Variants in KBTBD2 observed in about 807,000 individuals in gnomAD.
KBTBD2 encodes the protein kelch repeat and BTB domain containing 2.
A neutral mutation model predicts 57.1 loss-of-function variants in KBTBD2; 17 were observed. The ratio of observed to expected loss-of-function variants is 0.30; its 90% CI spans 0.20 to 0.45. The LOEUF is 0.45. Ranked by LOEUF, KBTBD2 falls within the 20% of genes least tolerant of loss-of-function variation. The pLI, the probability that KBTBD2 is intolerant of heterozygous loss-of-function variation, is 1.00. For missense variants in KBTBD2, 515 were observed against 750.6 expected, an observed-to-expected ratio of 0.69 and a Z score of 3.67; for synonymous variants, 267 against 262.7, an observed-to-expected ratio of 1.02 and a Z score of -0.16.
intron 3 of KBTBD2, chr7:32,874,390 AC>A (rs1784257802): frequency 6.6e-6 from 1 of 151,742 alleles, no homozygotes. Context: ...ACAGAATGAT[AC>A]TCCGTCTCAA....
chr7:32,887,399 C>A (rs77595573), intron 1 of KBTBD2, among the ~76,000 whole-genome samples: 10,978 of 151,688 alleles, frequency 0.072, 433 homozygotes, highest in East Asian at 0.14. Context: ...GTTCTCACCA[C>A]AAAAAAAATA....
At chr7:32,884,112 C>T (rs1784508683) in intron 1 of KBTBD2, among the ~76,000 whole-genome samples, 1 of 152,154 alleles carries the variant, frequency 6.6e-6, no homozygotes, top group Admixed American at 6.5e-5. Flanking sequence ...TGGTGCTCAG[C>T]CCTACTACTA....
intron 1 of KBTBD2, among the ~76,000 whole-genome samples, chr7:32,885,420 C>T (rs1361577310): frequency 4.0e-5 from 6 of 149,388 alleles, no homozygotes; most frequent in Non-Finnish European, 5.9e-5. Flanking sequence ...CTGCTAGTTC[C>T]GTGGACTTCC....
At position 32,870,101 on chromosome 7, in the gene KBTBD2, C is replaced by T. The variant is rs1340314008; in HGVS notation, c.1116G>A (p.Lys372=). Residue 372 remains lysine, a synonymous_variant, in exon 4 of 4, where the codon AAG becomes AAA. Transcript: ENST00000304056. ...PKTPMLFVRI[K]PSLVCCEGYI... ...AGCCTTCACAGCAAACCAAAGATGGCTTTATGCGGACAAAAAGCATTGGGG... is the reference window on the plus strand; with the variant it reads ...AGCCTTCACAGCAAACCAAAGATGGTTTTATGCGGACAAAAAGCATTGGGG... 4.3e-6 allele frequency: 7 copies of T among 1,614,078 alleles called. No individual in the cohort carries two copies. Among genetic ancestry groups the T allele is most frequent in the South Asian group, 2.2e-5 (2 of 91,090 alleles).
intron 1 of KBTBD2, among the ~76,000 whole-genome samples, chr7:32,884,807 A>G (rs1381317917): frequency 1.3e-5 from 2 of 152,052 alleles, no homozygotes; most frequent in African/African-American, 4.8e-5. Flanking sequence ...TCTCTATCCC[A>G]AAGATTTAAC....
intron 1 of KBTBD2, among the ~76,000 whole-genome samples, 167 bp downstream of exon 1, chr7:32,891,352 GCCGCCCGCGCCCCTCCC>G (rs1159931908): frequency 4.7e-5 from 7 of 148,148 alleles, no homozygotes; most frequent in Admixed American, 3.3e-4. Flanking sequence ...GGCGGCGCCG[GCCGCCCGCGCCCCTCCC>G]CCGCCCGCGG....
intron 1 of KBTBD2, among the ~76,000 whole-genome samples, chr7:32,888,293 G>A (rs1024585561): frequency 6.6e-6 from 1 of 151,964 alleles, no homozygotes; most frequent in African/African-American, 2.4e-5. Flanking sequence ...CCAATCTTGA[G>A]GAGGCTGATG....
At chr7:32,876,172 C>T (rs964999827) in intron 2 of KBTBD2, among the ~76,000 whole-genome samples, 1 of 151,960 alleles carries the variant, frequency 6.6e-6, no homozygotes, top group Non-Finnish European at 1.5e-5. Context: ...AGTAGAATGC[C>T]CATATATAGG....
chr7:32,887,587 C>G (rs1784612275), intron 1 of KBTBD2, among the ~76,000 whole-genome samples: 1 of 152,190 alleles, frequency 6.6e-6, no homozygotes, highest in Admixed American at 6.5e-5. Flanking sequence ...GGCAGTGCGG[C>G]TATAAATCAT....
intron 3 of KBTBD2, among the ~76,000 whole-genome samples, chr7:32,872,772 G>A (rs532090883): frequency 3.5e-4 from 53 of 152,254 alleles, no homozygotes; most frequent in African/African-American, 1.3e-3. Flanking sequence ...AAATACTCAC[G>A]GGAGCACTTC....
At position 32,869,252 on chromosome 7, in the gene KBTBD2, T is replaced by C. The variant is rs902020776; in HGVS notation, c.*93A>G. The C allele has an allele frequency of 3.9e-5, 33 of 838,892 alleles. No individual in the cohort carries two copies. The highest frequency in any genetic ancestry group is 6.0e-5 in the Non-Finnish European group (32 of 537,072). 52.0% of individuals were successfully genotyped at this position (838,892 alleles called of 1,614,324 possible). A position where few individuals can be genotyped will look rare whatever the true frequency, so the allele number is the denominator to read the frequency against. On this transcript the variant is annotated 3_prime_UTR_variant, in exon 4 of 4. Coordinates refer to ENST00000304056, the MANE Select transcript of KBTBD2 (RefSeq NM_015483.3). ...AAAATTTATCAAAGATAGAATTTTATGTACTCATATTTAGTTCTTTCATAG... is the reference window on the plus strand; with the variant it reads ...AAAATTTATCAAAGATAGAATTTTACGTACTCATATTTAGTTCTTTCATAG...
chr7:32,875,061 T>A lies in KBTBD2; in HGVS notation c.267A>T (p.Ala89=), dbSNP rs550644341. The change falls in exon 3 of 4, where the codon GCA becomes GCT. Residue 89 remains alanine, a synonymous_variant. Coordinates refer to ENST00000304056, the MANE Select transcript of KBTBD2 (RefSeq NM_015483.3). The part of the protein sequence containing the change: ...AATLQIIITY[A]YTGNLAMNDS... ...CATTCATTGCCAAGTTACCCGTGTA[T>A]GCATAAGTTATTATTATCTGTAAGG... is the stretch of plus-strand genomic sequence containing the variant. 9 of 1,614,208 alleles carry A rather than the reference T, an allele frequency of 5.6e-6. 1 individual carries two copies. In the South Asian group the frequency reaches 9.9e-5, roughly 18 times the overall value.
intron 1 of KBTBD2, among the ~76,000 whole-genome samples, chr7:32,884,678 G>C (rs1426679641): frequency 6.6e-6 from 1 of 151,936 alleles, no homozygotes; most frequent in Non-Finnish European, 1.5e-5. Context: ...CAACAAGAGA[G>C]AGACTCAGTC....
In KBTBD2 at chr7:32,870,370, A is replaced by G; in HGVS notation, c.847T>C (p.Tyr283His). 1 of 1,613,540 alleles carries G rather than the reference A, an allele frequency of 6.2e-7. No homozygotes were observed. The highest frequency in any genetic ancestry group is 1.1e-5 in the South Asian group (1 of 90,964). The part of the protein sequence containing the change: ...EASSENPCSL[Y>H]SSVCYSPQAE... Reference sequence around the variant, plus strand: ...TGGGGGCTGTAACAGACAGAAGAGTAAAGACTACAAGGATTTTCTGAAGAT... The same window carrying G: ...TGGGGGCTGTAACAGACAGAAGAGTGAAGACTACAAGGATTTTCTGAAGAT... Residue 283 changes from tyrosine to histidine, a missense_variant, in exon 4 of 4, where the codon TAC becomes CAC. Transcript: ENST00000304056.
chr7:32,889,287 T>C (rs561177121), intron 1 of KBTBD2, among the ~76,000 whole-genome samples: 4 of 141,278 alleles, frequency 2.8e-5, no homozygotes, highest in African/African-American at 8.1e-5. Context: ...CGAGACTCCG[T>C]CTCTTAAAAA....
rs1299520273 is a variant in KBTBD2, at chr7:32,870,509, A to T, written c.708T>A (p.Gly236=). ...CCACTGACTTATCATTGGGTGGCAG[A>T]CCTTGAAACCAAGCTCTCTGTGTTA... The part of the protein sequence containing the change: ...SEVTQRAWFQ[G]LPPNDKSVVV... The change falls in exon 4 of 4, where the codon GGT becomes GGA. Residue 236 remains glycine, a synonymous_variant. Transcript: ENST00000304056. The T allele has an allele frequency of 6.2e-7, 1 of 1,613,988 alleles. No individual in the cohort carries two copies. The highest frequency in any genetic ancestry group is 1.3e-5 in the African/African-American group (1 of 74,930).
At chr7:32,876,364 A>G (rs577129707) in intron 2 of KBTBD2, among the ~76,000 whole-genome samples, 3 of 152,338 alleles carry the variant, frequency 2.0e-5, no homozygotes, top group Admixed American at 6.5e-5. Context: ...GCTTGAACAT[A>G]AGGGCTCATG....
At chr7:32,884,669 A>T (rs569401733) in intron 1 of KBTBD2, among the ~76,000 whole-genome samples, 1 of 152,156 alleles carries the variant, frequency 6.6e-6, no homozygotes, top group East Asian at 1.9e-4. Flanking sequence ...CAGCCTGGGC[A>T]ACAAGAGAGA....
At position 32,870,214 on chromosome 7, in the gene KBTBD2, T is replaced by C; in HGVS notation, c.1003A>G (p.Ser335Gly). The change falls in exon 4 of 4, where the codon AGT becomes GGT. Residue 335 changes from serine to glycine, a missense_variant. Ser to Gly is a moderately conservative substitution (Grantham distance 56). Transcript: ENST00000304056. Reference protein sequence around the residue: ...VPLKNTKTNHSKTSKLQTAFR... With the variant: ...VPLKNTKTNHGKTSKLQTAFR... ...GCAGTCTGAAGTTTGCTTGTTTTAC[T>C]GTGATTTGTTTTTGTGTTTTTCAGA... 1 of 1,614,184 alleles carries C rather than the reference T, an allele frequency of 6.2e-7. No homozygotes were observed. Among genetic ancestry groups the C allele is most frequent in the Non-Finnish European group, 8.5e-7 (1 of 1,180,026 alleles).
Sources: gnomAD v4.1 joint callset for allele counts (sites outside exome capture counted in the v4.1 genomes callset) on GRCh38, gnomAD v4.1.1 for gene constraint, MANE v1.5 for transcripts, NCBI Gene and HGNC (gene_info 2026-07-23, HGNC 2026-07-21) for gene names.